RICTOR: variants seen among roughly 807,000 people sequenced by gnomAD.
RICTOR encodes the protein rapamycin-insensitive companion of mTOR.
A neutral mutation model predicts 214.9 loss-of-function variants in RICTOR; 49 were observed. That is an observed-to-expected ratio of 0.23 (90% CI 0.18 to 0.29). The LOEUF (loss-of-function observed/expected upper bound fraction) is 0.29, where lower values mean the gene tolerates loss of function less well. RICTOR is among the 10% of genes least tolerant of loss of function. The pLI, the probability that RICTOR is intolerant of heterozygous loss-of-function variation, is 1.00. For synonymous variants in RICTOR, 717 were observed against 711.3 expected (o/e 1.01, Z -0.13); for missense variants, 1,625 against 2,047.0 (o/e 0.79, Z 3.98).
At chr5:39,035,941 A>G (rs1334324402) in intron 2 of RICTOR, among the ~76,000 whole-genome samples, 1 of 152,214 alleles carries the variant, frequency 6.6e-6, no homozygotes, top group South Asian at 2.1e-4. Context: ...GCAGGCCAAC[A>G]TTCAGATTCA....
chr5:39,050,854 G>T (rs1757786772), intron 2 of RICTOR, among the ~76,000 whole-genome samples: 1 of 152,110 alleles, frequency 6.6e-6, no homozygotes. Context: ...AAGAATACAT[G>T]AGGGCTCATT....
intron 3 of RICTOR, among the ~76,000 whole-genome samples, chr5:39,010,047 C>T (rs751693975): frequency 3.3e-5 from 5 of 152,148 alleles, no homozygotes; most frequent in African/African-American, 4.8e-5. Flanking sequence ...ATAATCCCCA[C>T]GTGTCAAGGG....
Position 38,940,494 on chromosome 5 carries a change from A to G in RICTOR, c.*1810T>C, listed in dbSNP as rs796189926. On this transcript the variant is annotated 3_prime_UTR_variant, in exon 38 of 38. Transcript: ENST00000357387. ...AGACCAAAGACCACGATGACAGGCA[A>G]CGTTCTTAGAAGTACTGTTGACATT... The G allele has an allele frequency of 1.3e-5, 3 of 232,798 alleles. No individual in the cohort carries two copies. Among genetic ancestry groups the G allele is most frequent in the African/African-American group, 6.6e-5 (3 of 45,440 alleles). 14.4% of individuals were successfully genotyped at this position (232,798 alleles called of 1,614,324 possible). A position where few individuals can be genotyped will look rare whatever the true frequency, so the allele number is the denominator to read the frequency against.
intron 2 of RICTOR, among the ~76,000 whole-genome samples, chr5:39,057,312 C>CTG (rs1163579330): frequency 1.3e-5 from 2 of 152,094 alleles, no homozygotes; most frequent in Non-Finnish European, 2.9e-5. Context: ...TCCATTGATC[C>CTG]TGTCCCTTGC....
Position 38,946,512 on chromosome 5 carries a change from G to C in RICTOR, c.4355C>G (p.Pro1452Arg). 3 of 1,611,674 alleles carry C rather than the reference G, an allele frequency of 1.9e-6. No homozygotes were observed. The highest frequency in any genetic ancestry group is 2.5e-6 in the Non-Finnish European group (3 of 1,177,966). Residue 1452 changes from proline (P) to arginine (R), a missense_variant, in exon 33 of 38, where the codon CCA becomes CGA. Physicochemically the swap from Pro to Arg is moderately radical, Grantham distance 103. Coordinates refer to ENST00000357387, the MANE Select transcript of RICTOR (RefSeq NM_152756.5). ...TGCTCTTGCACCTCGATCATCATGT[G>C]GTGGTATGTTTTTTGTCTGAAAATA... is the stretch of plus-strand genomic sequence containing the variant. ...IPYFQTKNIP[P>R]HDDRGARAFA...
chr5:39,071,443 CTG>C (rs1759317325), intron 2 of RICTOR, among the ~76,000 whole-genome samples: 1 of 152,134 alleles, frequency 6.6e-6, no homozygotes, highest in South Asian at 2.1e-4. Flanking sequence ...AGTTTTAAAA[CTG>C]TGATTTCACA....
chr5:39,039,492 T>C (rs1461976883), intron 2 of RICTOR, among the ~76,000 whole-genome samples: 1 of 152,154 alleles, frequency 6.6e-6, no homozygotes, highest in African/African-American at 2.4e-5. Context: ...AAAGAGCTTC[T>C]GCACAGCAAA....
At chr5:39,050,171 TATATAA>T (rs1179907920) in intron 2 of RICTOR, among the ~76,000 whole-genome samples, 18 of 150,256 alleles carry the variant, frequency 1.2e-4, no homozygotes, top group Admixed American at 8.7e-4. Context: ...CTTTTTTACA[TATATAA>T]ATATAAACAA....
intron 2 of RICTOR, among the ~76,000 whole-genome samples, chr5:39,061,566 G>A (rs1758544112): frequency 6.6e-6 from 1 of 150,866 alleles, no homozygotes; most frequent in South Asian, 2.1e-4. Context: ...AAGCACTCCA[G>A]GTGAACACTT....
intron 2 of RICTOR, among the ~76,000 whole-genome samples, chr5:39,054,093 A>G (rs1758041269): frequency 2.0e-5 from 3 of 152,320 alleles, no homozygotes; most frequent in Admixed American, 2.0e-4. Context: ...AAAAAGAAAG[A>G]AAGAATAGGT....
intron 2 of RICTOR, among the ~76,000 whole-genome samples, chr5:39,045,996 A>ACC: frequency 6.6e-6 from 1 of 150,462 alleles, no homozygotes; most frequent in East Asian, 1.9e-4. Context: ...TTCTTCATGG[A>ACC]TCGTCAGTCT....
rs547409093 is a variant in RICTOR, at chr5:38,938,623, T to C, written c.*3681A>G. ...AAAAAAGTCCACATTCTGTGAGTCA[T>C]ATAAACCTACTAGGAATGAAAAATA... On this transcript the variant is annotated 3_prime_UTR_variant, in exon 38 of 38. Transcript: ENST00000357387. 2.0e-4 allele frequency: 47 copies of C among 232,782 alleles called. No homozygotes were observed. The highest frequency in any genetic ancestry group is 9.9e-4 in the African/African-American group (45 of 45,430). The allele number at this position is 232,782 out of a possible 1,614,324, so 14.4% of individuals were successfully genotyped here.
At chr5:38,990,718 G>C (rs200973443) in intron 7 of RICTOR, among the ~76,000 whole-genome samples, 8,405 of 15,406 alleles carry the variant, frequency 0.55, 2,873 homozygotes, top group Admixed American at 0.57. Context: ...TGATATATAT[G>C]ATATATATCA....
chr5:39,071,318 C>CT, intron 2 of RICTOR, among the ~76,000 whole-genome samples: 1 of 152,024 alleles, frequency 6.6e-6, no homozygotes, highest in East Asian at 1.9e-4. Flanking sequence ...CTCAGATAGA[C>CT]TATACCCAAT....
At chr5:39,004,041 GT>G (rs575112909) in intron 3 of RICTOR, among the ~76,000 whole-genome samples, 218 of 152,078 alleles carry the variant, frequency 1.4e-3, no homozygotes, top group Non-Finnish European at 2.6e-3. Flanking sequence ...CTTTACAATT[GT>G]TTTTTCTATC....
At chr5:39,004,140 T>C (rs1304741588) in intron 3 of RICTOR, among the ~76,000 whole-genome samples, 1 of 152,226 alleles carries the variant, frequency 6.6e-6, no homozygotes, top group Non-Finnish European at 1.5e-5. Context: ...TTTACCCTTT[T>C]TATTATTCAT....
intron 5 of RICTOR, 131 bp downstream of exon 5, chr5:39,002,404 A>AT (rs1753713247): frequency 2.0e-6 from 1 of 511,432 alleles, no homozygotes; most frequent in Non-Finnish European, 3.5e-6. Context: ...GTGTGTGTAT[A>AT]TATATATATA....
In RICTOR at chr5:38,945,504, T is replaced by G; in HGVS notation, c.4620A>C (p.Ile1540=). The G allele has an allele frequency of 3.1e-6, 5 of 1,608,260 alleles. No individual in the cohort carries two copies. The highest frequency in any genetic ancestry group is 4.3e-6 in the Non-Finnish European group (5 of 1,174,694). The change falls in exon 34 of 38, where the codon ATA becomes ATC. Residue 1540 remains isoleucine, a synonymous_variant. Transcript: ENST00000357387. ...GFQPSNQLSA[I]CSHSDFQDIP... ...GTGATCACTTACCTGAATGACTACA[T>G]ATTGCACTCAGTTGGTTGCTGGGCT...
In RICTOR at chr5:39,063,835, T is replaced by TA. The variant is rs879261245; in HGVS notation, c.97+10275dup. On this transcript the variant is annotated intron_variant, in intron 2 of 37. Transcript: ENST00000357387. Reference sequence around the variant, plus strand: ...CAAATCCAAATTAACACAATGGGGTTAAAAAAAAAAAGGAAAAGTAATTGA... The same window carrying TA: ...CAAATCCAAATTAACACAATGGGGTTAAAAAAAAAAAAGGAAAAGTAATTGA... Among the ~76,000 whole-genome samples, 1,174 of 144,516 alleles carry TA rather than the reference T, an allele frequency of 8.1e-3. 21 individuals carry two copies. The highest frequency in any genetic ancestry group is 0.025 in the African/African-American group (993 of 39,664). The allele number at this position is 144,516 out of a possible 152,430, so 94.8% of individuals were successfully genotyped here.
Sources: gnomAD v4.1 joint callset for allele counts (sites outside exome capture counted in the v4.1 genomes callset) on GRCh38, gnomAD v4.1.1 for gene constraint, MANE v1.5 for transcripts, NCBI Gene and HGNC (gene_info 2026-07-23, HGNC 2026-07-21) for gene names.